MFGE8: variants seen among roughly 807,000 people sequenced by gnomAD.
MFGE8 encodes lactadherin.
A neutral mutation model predicts 42.6 loss-of-function variants in MFGE8; 34 were observed. The observed-to-expected ratio is 0.80, with a 90% CI of 0.61 to 1.06. The LOEUF is 1.06. MFGE8 is among the 50% of genes least tolerant of loss of function. MFGE8 has a pLI of 0.00. For synonymous variants in MFGE8, 230 were observed against 214.8 expected, an observed-to-expected ratio of 1.07 and a Z score of -0.62; for missense variants, 510 against 516.9, an observed-to-expected ratio of 0.99 and a Z score of 0.13.
At position 88,913,320 on chromosome 15, in the gene MFGE8, GC is replaced by G; in HGVS notation, c.-2del. On this transcript the variant is annotated 5_prime_UTR_variant, in exon 1 of 8. Coordinates refer to ENST00000268150, the MANE Select transcript of MFGE8 (RefSeq NM_005928.4). The stretch of plus-strand genomic sequence containing the variant: ...CGGCCAGCAGGCGGGGGCGCGGCAT[GC>G]TGCGGGGACGCGGGCGCTGGAATGG... 1.4e-6 allele frequency: 2 copies of G among 1,442,762 alleles called. No homozygotes were observed. Among genetic ancestry groups the G allele is most frequent in the Non-Finnish European group, 1.8e-6 (2 of 1,109,408 alleles). 89.4% of individuals were successfully genotyped at this position (1,442,762 alleles called of 1,614,324 possible).
At chr15:88,907,842 G>T (rs1567023335) in intron 2 of MFGE8, among the ~76,000 whole-genome samples, 1 of 152,152 alleles carries the variant, frequency 6.6e-6, no homozygotes, top group Non-Finnish European at 1.5e-5. Context: ...CCCCCCACCA[G>T]GAAGGGACGC....
Position 88,906,308 on chromosome 15 carries a change from G to A in MFGE8, c.540+318C>T, listed in dbSNP as rs1898672518. 1 of 463,484 alleles carries A rather than the reference G, an allele frequency of 2.2e-6. No individual in the cohort carries two copies. Among genetic ancestry groups the A allele is most frequent in the East Asian group, 4.5e-5 (1 of 22,266 alleles). The allele number at this position is 463,484 out of a possible 1,614,324, so 28.7% of individuals were successfully genotyped here. On this transcript the variant is annotated intron_variant, in intron 4 of 7. Coordinates refer to ENST00000268150, the MANE Select transcript of MFGE8 (RefSeq NM_005928.4). This position sits in a 1 kb window ranked among gnomAD's most constrained non-coding sequence, Gnocchi z 4.2. ...CTTAGCAATGACATCCTTGAGCAGT[G>A]TACAACCTACACAACTGTACATGTA...
At position 88,901,578 on chromosome 15, in the gene MFGE8, C is replaced by T; in HGVS notation, c.843G>A (p.Gly281=). 6.3e-7 allele frequency: 1 copy of T among 1,593,730 alleles called. No individual in the cohort carries two copies. Among genetic ancestry groups the T allele is most frequent in the Non-Finnish European group, 8.6e-7 (1 of 1,166,948 alleles). ...GCAGCCACTGATCGTTACCGTAGCT[C>T]CCCGCAACCCAGGCGTTGAAGTTGC... ...KQGNFNAWVA[G]SYGNDQWLQV... is the part of the protein sequence containing the mutation. The change falls in exon 6 of 8, where the codon GGG becomes GGA. Residue 281 remains glycine (G), a synonymous_variant. Transcript: ENST00000268150.
rs573143520 is a variant in MFGE8, at chr15:88,906,575, C to A, written c.540+51G>T. The A allele has an allele frequency of 9.4e-5, 152 of 1,610,308 alleles. No homozygotes were observed. The highest frequency in any genetic ancestry group is 2.0e-4 in the Admixed American group (12 of 59,976). On this transcript the variant is annotated intron_variant, in intron 4 of 7. Coordinates refer to ENST00000268150, the MANE Select transcript of MFGE8 (RefSeq NM_005928.4). The surrounding 1 kb of genome is among the most constrained non-coding windows in gnomAD (Gnocchi z 4.2). ...TGGGGGTCCTCAGTCAATGCTAGAA[C>A]CTTAGGGGGTATGGACCACAGCCCT...
At chr15:88,901,050 CACAT>C (rs1898348477) in intron 6 of MFGE8, among the ~76,000 whole-genome samples, 1 of 144,870 alleles carries the variant, frequency 6.9e-6, no homozygotes, top group South Asian at 2.1e-4. Context: ...CACACATTCA[CACAT>C]ACACATTCAC....
intron 2 of MFGE8, among the ~76,000 whole-genome samples, 199 bp from the exon 3 acceptor site, chr15:88,907,575 A>G (rs1474173928): frequency 6.6e-6 from 1 of 152,094 alleles, no homozygotes; most frequent in African/African-American, 2.4e-5. Context: ...AAGAAAAGGT[A>G]TGTGGCCAGG....
At chr15:88,901,493 G>T in intron 6 of MFGE8, 58 bp downstream of exon 6, 1 of 1,529,330 alleles carries the variant, frequency 6.5e-7, no homozygotes, top group Non-Finnish European at 9.0e-7. Flanking sequence ...TCAAAGATCT[G>T]GCAGTCCCAC....
In MFGE8 at chr15:88,899,200, G is replaced by A; in HGVS notation, c.*195C>T. 1.4e-6 allele frequency: 1 copy of A among 706,708 alleles called. No individual in the cohort carries two copies. Among genetic ancestry groups the A allele is most frequent in the East Asian group, 2.7e-5 (1 of 36,778 alleles). 43.8% of individuals were successfully genotyped at this position (706,708 alleles called of 1,614,324 possible). On this transcript the variant is annotated 3_prime_UTR_variant, in exon 8 of 8. Coordinates refer to ENST00000268150, the MANE Select transcript of MFGE8 (RefSeq NM_005928.4). This position sits in a 1 kb window ranked among gnomAD's most constrained non-coding sequence, Gnocchi z 6.8. The stretch of plus-strand genomic sequence containing the variant: ...TGAGGACTGGGGGTTAGGGGACGGG[G>A]CTTAGGGGCTGGGGCAGGGCCCGTG...
intron 3 of MFGE8, 108 bp downstream of exon 3, chr15:88,907,087 T>G: frequency 7.2e-7 from 1 of 1,389,756 alleles, no homozygotes; most frequent in Non-Finnish European, 9.9e-7. Context: ...CCTGTTACCT[T>G]GCCACCTGAA....
At chr15:88,913,178 G>A in intron 1 of MFGE8, 69 bp downstream of exon 1, 3 of 1,472,820 alleles carry the variant, frequency 2.0e-6, no homozygotes, top group African/African-American at 1.5e-5. Flanking sequence ...TGGAGGGCGG[G>A]CGCCGGGCAA....
chr15:88,912,426 A>G (rs983236932), intron 1 of MFGE8: 8 of 985,304 alleles, frequency 8.1e-6, no homozygotes, highest in Non-Finnish European at 9.6e-6. Context: ...GCTGTTACCT[A>G]CCTTGCTTCA....
rs557767369 is a variant in MFGE8, at chr15:88,903,188, A to G, written c.686-1453T>C. The G allele has an allele frequency of 4.6e-5, 7 of 152,366 alleles. No individual in the cohort carries two copies. The highest frequency in any genetic ancestry group is 9.6e-5 in the African/African-American group (4 of 41,578). 9.4% of individuals were successfully genotyped at this position (152,366 alleles called of 1,614,324 possible). ...CAATGTGCTCAACGCAGACCCCTCT[A>G]CAGATCATCTGCTTCTAGTGGTTCA... On this transcript the variant is annotated intron_variant, in intron 5 of 7. Transcript: ENST00000268150. This position sits in a 1 kb window ranked among gnomAD's most constrained non-coding sequence, Gnocchi z 4.9.
At chr15:88,901,446 T>G (rs1898424210) in intron 6 of MFGE8, 105 bp downstream of exon 6, 1 of 1,148,398 alleles carries the variant, frequency 8.7e-7, no homozygotes, top group African/African-American at 1.5e-5. Flanking sequence ...CCAGAACTCT[T>G]TTGGGGAGCA....
In MFGE8 at chr15:88,907,737, G is replaced by A. The variant is rs1051747799; in HGVS notation, c.206-361C>T. ...CCGCCAGGCTGTGGGAGGTGGCCTCGTTCATATAGGGCATCTGGCAGCAAT... is the reference window on the plus strand; with the variant it reads ...CCGCCAGGCTGTGGGAGGTGGCCTCATTCATATAGGGCATCTGGCAGCAAT... On this transcript the variant is annotated intron_variant, in intron 2 of 7. Transcript: ENST00000268150. Among the ~76,000 whole-genome samples the A allele has an allele frequency of 4.6e-5, 7 of 151,144 alleles. No individual in the cohort carries two copies. The East Asian group carries it at 9.8e-4, about 21-fold the overall frequency.
At position 88,906,264 on chromosome 15, in the gene MFGE8, G is replaced by A. The variant is rs1022164126; in HGVS notation, c.540+362C>T. ...AGAGTTCCACAAATGTACAATGCCT[G>A]TACTGTGAATGGTGCCTGCTTAGCA... On this transcript the variant is annotated intron_variant, in intron 4 of 7. Transcript: ENST00000268150. The surrounding 1 kb of genome is among the most constrained non-coding windows in gnomAD (Gnocchi z 4.2). 1 of 452,794 alleles carries A rather than the reference G, an allele frequency of 2.2e-6. No homozygotes were observed. The highest frequency in any genetic ancestry group is 2.0e-5 in the African/African-American group (1 of 50,394). The allele number at this position is 452,794 out of a possible 1,614,324, so 28.0% of individuals were successfully genotyped here.
chr15:88,899,629 A>T lies in MFGE8; in HGVS notation c.1026+27T>A, dbSNP rs1467002058. 1 of 1,614,042 alleles carries T rather than the reference A, an allele frequency of 6.2e-7. No homozygotes were observed. Among genetic ancestry groups the T allele is most frequent in the African/African-American group, 1.3e-5 (1 of 74,920 alleles). On this transcript the variant is annotated intron_variant, in intron 7 of 7. Coordinates refer to ENST00000268150, the MANE Select transcript of MFGE8 (RefSeq NM_005928.4). This position sits in a 1 kb window ranked among gnomAD's most constrained non-coding sequence, Gnocchi z 6.8. ...CAGGGAAGTAATGAAGGAATGGCAA[A>T]GGGTGGGCAGCTGGACAGACACCCA...
intron 6 of MFGE8, 39 bp downstream of exon 6, chr15:88,901,512 A>AACCCCCCC: frequency 5.7e-5 from 38 of 666,990 alleles, no homozygotes; most frequent in East Asian, 1.5e-4. Flanking sequence ...ACCTCATCCC[A>AACCCCCCC]CCCAACCCCA....
Position 88,905,182 on chromosome 15 carries a change from T to G in MFGE8, c.685+575A>C, listed in dbSNP as rs1343214488. 2.6e-5 allele frequency among the ~76,000 whole-genome samples: 4 copies of G among 152,238 alleles called. No individual in the cohort carries two copies. Among genetic ancestry groups the G allele is most frequent in the East Asian group, 1.9e-4 (1 of 5,174 alleles). On this transcript the variant is annotated intron_variant, in intron 5 of 7. Transcript: ENST00000268150. The surrounding 1 kb of genome is among the most constrained non-coding windows in gnomAD (Gnocchi z 6.6). ...AAGAAGCCCCTGTGTTTCTCTGGAG[T>G]GCAGACTCTTAAGAGTTTGGCAGGG...
At chr15:88,900,252 A>G (rs1218165446) in intron 6 of MFGE8, among the ~76,000 whole-genome samples, 1 of 151,812 alleles carries the variant, frequency 6.6e-6, no homozygotes, top group Non-Finnish European at 1.5e-5. Flanking sequence ...AGAAAAAAAA[A>G]AAAAAAAAGC....
Sources: allele counts gnomAD v4.1 joint callset (sites outside exome capture counted in the v4.1 genomes callset), GRCh38; gene constraint gnomAD v4.1.1; non-coding constraint Gnocchi (gnomAD v3.1); transcripts MANE v1.5; gene names NCBI Gene and HGNC (gene_info 2026-07-23, HGNC 2026-07-21).